The following SOX6 variants were observed in gnomAD, a reference collection of about 807,000 sequenced individuals.
The protein encoded by SOX6 is SRY-box transcription factor 6.
In SOX6, 11 loss-of-function variants were observed where a neutral mutation model predicts 97.8. The ratio of observed to expected loss-of-function variants is 0.11; its 90% CI spans 0.07 to 0.19. The LOEUF (loss-of-function observed/expected upper bound fraction) is 0.19, where lower values mean the gene tolerates loss of function less well. Among genes scored for constraint, SOX6 ranks in the 10% least tolerant of loss-of-function variants. The probability of loss-of-function intolerance (pLI) is 1.00; values close to 1 mark genes in which losing one functional copy is unlikely to be tolerated. For missense variants in SOX6, 810 were observed against 1,039.5 expected (o/e 0.78, Z 3.04); for synonymous variants, 360 against 371.4 (o/e 0.97, Z 0.35).
intron 4 of SOX6, among the ~76,000 whole-genome samples, chr11:16,516,390 A>C (rs2133156545): frequency 6.6e-6 from 1 of 152,316 alleles, no homozygotes; most frequent in Admixed American, 6.5e-5. Flanking sequence ...ATTTTTGTAC[A>C]TCGATTTTGT....
chr11:16,554,812 G>C (rs1847733056), intron 4 of SOX6, among the ~76,000 whole-genome samples: 1 of 151,978 alleles, frequency 6.6e-6, no homozygotes, highest in Non-Finnish European at 1.5e-5. Context: ...AACAGGAAAG[G>C]GGAAAGAGAG....
chr11:16,356,441 A>G lies in SOX6; in HGVS notation c.-352T>C, dbSNP rs1413656549. Among the ~76,000 whole-genome samples, 5 of 152,122 alleles carry G rather than the reference A, an allele frequency of 3.3e-5. No homozygotes were observed. Among genetic ancestry groups the G allele is most frequent in the Admixed American group, 3.3e-4 (5 of 15,244 alleles). On this transcript the variant is annotated 5_prime_UTR_variant, in exon 1 of 16. Coordinates refer to ENST00000683767, the MANE Select transcript of SOX6 (RefSeq NM_001367873.1). ...CCACATACCTTCTGCCACTGCTGCT[A>G]CAGTTAAGCAAACTTTACAAGCTAG...
At chr11:16,685,323 T>C (rs1484669326) in intron 3 of SOX6, among the ~76,000 whole-genome samples, 1 of 152,210 alleles carries the variant, frequency 6.6e-6, no homozygotes, top group Admixed American at 6.5e-5. Flanking sequence ...AAGTCTCATC[T>C]AAGACAAAGC....
At chr11:16,571,608 TTTTGTTTG>T (rs34319439) in intron 4 of SOX6, among the ~76,000 whole-genome samples, 25 of 151,902 alleles carry the variant, frequency 1.6e-4, no homozygotes, top group Non-Finnish European at 2.2e-4. Context: ...TACATTCAGT[TTTTGTTTG>T]TTTGTTTGTT....
intron 1 of SOX6, among the ~76,000 whole-genome samples, chr11:16,380,577 T>A (rs145488462): frequency 4.3e-4 from 65 of 152,192 alleles, no homozygotes; most frequent in African/African-American, 1.4e-3. Context: ...CATAATAACT[T>A]CTTACTGCCA....
At chr11:16,630,235 ACTTTC>A (rs1353524490) in intron 3 of SOX6, among the ~76,000 whole-genome samples, 6 of 152,052 alleles carry the variant, frequency 3.9e-5, no homozygotes, top group African/African-American at 1.4e-4. Flanking sequence ...ACCACTATAA[ACTTTC>A]CTTTCAACAT....
intron 6 of SOX6, among the ~76,000 whole-genome samples, chr11:16,112,306 C>G (rs551944615): frequency 6.6e-6 from 1 of 152,206 alleles, no homozygotes; most frequent in Admixed American, 6.5e-5. Flanking sequence ...GCATTCTGTG[C>G]TTTCTTTCAA....
At chr11:16,306,239 G>C (rs1049150679) in intron 3 of SOX6, among the ~76,000 whole-genome samples, 1 of 152,118 alleles carries the variant, frequency 6.6e-6, no homozygotes, top group Non-Finnish European at 1.5e-5. Flanking sequence ...AAGGTACATA[G>C]AATCTCTCTG....
intron 4 of SOX6, among the ~76,000 whole-genome samples, chr11:16,225,087 T>C (rs2134162631): frequency 6.6e-6 from 1 of 152,212 alleles, no homozygotes; most frequent in South Asian, 2.1e-4. Flanking sequence ...ACAATCTTTT[T>C]TACAAGTCAG....
intron 3 of SOX6, among the ~76,000 whole-genome samples, chr11:16,624,393 G>C (rs1226178932): frequency 6.6e-6 from 1 of 151,936 alleles, no homozygotes; most frequent in Non-Finnish European, 1.5e-5. Flanking sequence ...TCACCATGTT[G>C]GCCAGGATGA....
chr11:16,273,949 C>T (rs186390290), intron 3 of SOX6, among the ~76,000 whole-genome samples: 30 of 151,936 alleles, frequency 2.0e-4, no homozygotes, highest in Admixed American at 1.7e-3. Flanking sequence ...ATTATAAATA[C>T]AAAAAGAATG....
intron 13 of SOX6, among the ~76,000 whole-genome samples, chr11:16,000,389 A>C (rs906994026): frequency 7.2e-5 from 11 of 152,222 alleles, no homozygotes; most frequent in African/African-American, 2.7e-4. Context: ...TAGATGTATT[A>C]GCAAAGAGTG....
At chr11:16,112,047 T>C (rs1849244833) in intron 6 of SOX6, 124 bp from the exon 7 acceptor site, 2 of 1,207,986 alleles carry the variant, frequency 1.7e-6, no homozygotes, top group African/African-American at 1.5e-5. Flanking sequence ...TCATTCCAAA[T>C]CTGCAATCTG....
chr11:16,285,489 G>A (rs1414922649), intron 3 of SOX6, among the ~76,000 whole-genome samples: 2 of 151,944 alleles, frequency 1.3e-5, no homozygotes, highest in Non-Finnish European at 2.9e-5. Context: ...AGTCGAGATC[G>A]CACCATTGCA....
intron 9 of SOX6, among the ~76,000 whole-genome samples, chr11:16,078,774 T>G (rs1282913653): frequency 6.6e-6 from 1 of 151,950 alleles, no homozygotes; most frequent in Non-Finnish European, 1.5e-5. Flanking sequence ...AAGGGGACAT[T>G]TGAATAAAGA....
At chr11:16,053,032 A>G (rs1847723484) in intron 10 of SOX6, among the ~76,000 whole-genome samples, 1 of 152,192 alleles carries the variant, frequency 6.6e-6, no homozygotes, top group Non-Finnish European at 1.5e-5. Context: ...GATCTTCAGC[A>G]TTCGTTCTCC....
chr11:16,027,536 AATGAGTC>A (rs1411786333), intron 12 of SOX6, among the ~76,000 whole-genome samples: 1 of 152,234 alleles, frequency 6.6e-6, no homozygotes, highest in Non-Finnish European at 1.5e-5. Context: ...GAGACACAGA[AATGAGTC>A]AGGCTCAGTT....
intron 4 of SOX6, among the ~76,000 whole-genome samples, chr11:16,521,010 A>G (rs530842719): frequency 1.3e-5 from 2 of 152,342 alleles, no homozygotes; most frequent in South Asian, 2.1e-4. Flanking sequence ...CCACAGCTCA[A>G]GGAGGCCTCC....
At chr11:16,032,071 C>G (rs536815915) in intron 12 of SOX6, among the ~76,000 whole-genome samples, 1 of 152,120 alleles carries the variant, frequency 6.6e-6, no homozygotes, top group Non-Finnish European at 1.5e-5. Context: ...AATAAATTTT[C>G]ATCTCCGTAA....
Sources: gnomAD v4.1 joint callset for allele counts (sites outside exome capture counted in the v4.1 genomes callset) on GRCh38, gnomAD v4.1.1 for gene constraint, MANE v1.5 for transcripts, NCBI Gene and HGNC (gene_info 2026-07-23, HGNC 2026-07-21) for gene names.